Variants in GABRR3 observed in about 807,000 individuals in gnomAD.
GABRR3 encodes the protein gamma-aminobutyric acid type A receptor subunit rho3.
GABRR3 carries 29 observed loss-of-function variants against 43.2 expected under a neutral mutation model. The ratio of observed to expected loss-of-function variants is 0.67; its 90% confidence interval spans 0.50 to 0.92. GABRR3 has a LOEUF of 0.92. Among genes scored for constraint, GABRR3 ranks in the 40% least tolerant of loss-of-function variants. The pLI is 0.00. For missense variants in GABRR3, 576 were observed against 572.3 expected, an observed-to-expected ratio of 1.01 and a Z score of -0.07; for synonymous variants, 206 against 195.9, an observed-to-expected ratio of 1.05 and a Z score of -0.43.
chr3:98,011,853 G>A (rs1343301268), intron 5 of GABRR3, among the ~76,000 whole-genome samples: 1 of 152,200 alleles, frequency 6.6e-6, no homozygotes, highest in African/African-American at 2.4e-5. Context: ...AGGGAGGACT[G>A]TTATAGCAAA....
intron 2 of GABRR3, among the ~76,000 whole-genome samples, chr3:98,034,459 A>T (rs953037759): frequency 1.3e-5 from 2 of 152,172 alleles, no homozygotes; most frequent in Admixed American, 1.3e-4. Flanking sequence ...GAAACTATAT[A>T]CCCTAGAAAT....
intron 4 of GABRR3, among the ~76,000 whole-genome samples, chr3:98,016,040 G>T (rs1356176174): frequency 6.6e-6 from 1 of 152,140 alleles, no homozygotes; most frequent in African/African-American, 2.4e-5. Context: ...GCAGGAGAGA[G>T]AGCATGTGCA....
intron 7 of GABRR3, among the ~76,000 whole-genome samples, chr3:98,005,962 C>G (rs936906373): frequency 6.6e-6 from 1 of 152,080 alleles, no homozygotes; most frequent in East Asian, 1.9e-4. Context: ...AATGAAAACA[C>G]ATCCTATAAA....
At chr3:98,006,506 T>C (rs1432393030) in intron 7 of GABRR3, among the ~76,000 whole-genome samples, 1 of 152,202 alleles carries the variant, frequency 6.6e-6, no homozygotes, top group Non-Finnish European at 1.5e-5. Flanking sequence ...ACTTCTCTCT[T>C]AAAGCTGCAG....
chr3:98,018,964 G>A (rs1165887242), intron 3 of GABRR3, among the ~76,000 whole-genome samples: 1 of 151,968 alleles, frequency 6.6e-6, no homozygotes, highest in African/African-American at 2.4e-5. Context: ...ACAAAAATTA[G>A]CCAGGCGTGA....
At chr3:98,007,998 G>C (rs1706744006) in intron 6 of GABRR3, 94 bp from the exon 7 acceptor site, 3 of 1,003,818 alleles carry the variant, frequency 3.0e-6, no homozygotes, top group Non-Finnish European at 4.3e-6. Context: ...TGTATCCTTA[G>C]TGCCTACTCC....
intron 8 of GABRR3, chr3:97,999,616 A>C (rs1222457679): frequency 5.9e-5 from 9 of 152,170 alleles, no homozygotes; most frequent in South Asian, 2.1e-4. Context: ...AGGAAAAAAA[A>C]GTCTTTGGGA....
chr3:98,030,034 G>C (rs1348514132), intron 2 of GABRR3, among the ~76,000 whole-genome samples: 1 of 151,294 alleles, frequency 6.6e-6, no homozygotes, highest in Non-Finnish European at 1.5e-5. Context: ...AGAATCACTT[G>C]AACCTGGGAG....
chr3:98,034,894 G>C lies in GABRR3; in HGVS notation c.94C>G (p.Gln32Glu), dbSNP rs916694125. ...TGTTTCATTGAAGAGGAGCACCGCT[G>C]GTGTGTCATCTTGATGTTAGAAGCA... Residue 32 changes from glutamine to glutamate, a missense_variant, in exon 2 of 10, where the codon CAG (glutamine) becomes GAG (glutamate). By Grantham distance (29) the Gln-to-Glu change is conservative. Coordinates refer to ENST00000621172, the Ensembl canonical transcript of GABRR3. The C allele has an allele frequency of 6.2e-7, 1 of 1,613,090 alleles. No homozygotes were observed. The highest frequency in any genetic ancestry group is 1.7e-5 in the Admixed American group (1 of 59,964).
intron 7 of GABRR3, among the ~76,000 whole-genome samples, chr3:98,005,930 T>C (rs552393343): frequency 3.9e-5 from 6 of 152,158 alleles, no homozygotes; most frequent in Non-Finnish European, 7.4e-5. Context: ...GCCAAAGTTA[T>C]TTTTCATTTT....
In GABRR3 at chr3:98,008,937, A is replaced by G. The variant is rs2107237252; in HGVS notation, c.613+19T>C. On this transcript the variant is annotated intron_variant, in intron 6 of 9. Coordinates refer to ENST00000621172, the Ensembl canonical transcript of GABRR3. ...TGTTCAAATGATGTGCACTCACTCCACCAGGAAGTGAGACTTACAGCTTTC... is the reference window on the plus strand; with the variant it reads ...TGTTCAAATGATGTGCACTCACTCCGCCAGGAAGTGAGACTTACAGCTTTC... 6.7e-7 allele frequency: 1 copy of G among 1,483,744 alleles called. No homozygotes were observed. Among genetic ancestry groups the G allele is most frequent in the East Asian group, 2.3e-5 (1 of 43,554 alleles). 91.9% of individuals were successfully genotyped at this position (1,483,744 alleles called of 1,614,324 possible). A position where few individuals can be genotyped will look rare whatever the true frequency, so the allele number is the denominator to read the frequency against.
chr3:98,009,163 G>A, intron 5 of GABRR3, 125 bp from the exon 6 acceptor site: 1 of 609,988 alleles, frequency 1.6e-6, no homozygotes, highest in Non-Finnish European at 2.9e-6. Context: ...ATGCAAAACA[G>A]GCAGTATTAT....
intron 7 of GABRR3, among the ~76,000 whole-genome samples, chr3:98,003,791 A>G (rs1028530519): frequency 2.0e-5 from 3 of 152,080 alleles, no homozygotes; most frequent in African/African-American, 7.2e-5. Context: ...CCCCCTAGCT[A>G]CCATAAAAAC....
chr3:98,024,832 G>A (rs1228245946), intron 3 of GABRR3, among the ~76,000 whole-genome samples: 2 of 152,210 alleles, frequency 1.3e-5, no homozygotes, highest in Non-Finnish European at 2.9e-5. Flanking sequence ...GGAAAACTTG[G>A]TACCCTCAGT....
intron 4 of GABRR3, among the ~76,000 whole-genome samples, chr3:98,013,100 G>A (rs1344499750): frequency 6.6e-6 from 1 of 152,160 alleles, no homozygotes; most frequent in African/African-American, 2.4e-5. Context: ...GAAGTCCTGG[G>A]ACAGAGACAG....
intron 4 of GABRR3, among the ~76,000 whole-genome samples, chr3:98,014,872 A>G (rs1706854918): frequency 2.0e-5 from 3 of 152,054 alleles, no homozygotes; most frequent in Non-Finnish European, 4.4e-5. Context: ...CTCTCTTTTT[A>G]TCTTTAATTG....
chr3:97,997,471 A>T (rs930794112), intron 8 of GABRR3: 4 of 152,240 alleles, frequency 2.6e-5, no homozygotes, highest in Admixed American at 6.5e-5. Flanking sequence ...AATTTATTTA[A>T]GAAACATAAA....
chr3:98,009,111 G>A (rs1706758041), intron 5 of GABRR3, 73 bp from the exon 6 acceptor site: 6 of 924,366 alleles, frequency 6.5e-6, no homozygotes, highest in Non-Finnish European at 1.0e-5. Flanking sequence ...CAACATTGAA[G>A]CTTTCTTACT....
chr3:98,006,846 A>C (rs1706728763), intron 7 of GABRR3, among the ~76,000 whole-genome samples: 1 of 152,176 alleles, frequency 6.6e-6, no homozygotes. Flanking sequence ...TATAACTTTA[A>C]AAGGTGTCTT....
Sources: gnomAD v4.1 joint callset for allele counts (sites outside exome capture counted in the v4.1 genomes callset) on GRCh38, gnomAD v4.1.1 for gene constraint, MANE v1.5 for transcripts, NCBI Gene and HGNC (gene_info 2026-07-23, HGNC 2026-07-21) for gene names.